GFM2: variants seen among roughly 807,000 people sequenced by gnomAD.
GFM2 encodes ribosome-releasing factor 2, mitochondrial.
Under a neutral mutation model 95.4 loss-of-function variants are expected in GFM2, and 72 were observed. The observed-to-expected ratio is 0.76, with a 90% CI of 0.62 to 0.92. GFM2 has a LOEUF of 0.92. GFM2 is among the 40% of genes least tolerant of loss of function. The pLI is 0.00. For missense variants in GFM2, 825 were observed against 924.1 expected (o/e 0.89, Z 1.39); for synonymous variants, 276 against 317.5 (o/e 0.87, Z 1.39).
intron 1 of GFM2, 80 bp from the exon 2 acceptor site, chr5:74,763,846 G>A (rs1294922325): frequency 3.9e-6 from 3 of 765,954 alleles, no homozygotes; most frequent in Non-Finnish European, 6.7e-6. Context: ...TTAGACATAT[G>A]TAATATGTAT....
chr5:74,758,703 T>G, intron 5 of GFM2, 146 bp downstream of exon 5: 1 of 601,730 alleles, frequency 1.7e-6, no homozygotes, highest in Non-Finnish European at 3.0e-6. Flanking sequence ...TGGTGGGTAT[T>G]GCAACTATCT....
intron 17 of GFM2, among the ~76,000 whole-genome samples, chr5:74,728,232 C>T (rs1010128599): frequency 1.3e-5 from 2 of 152,086 alleles, no homozygotes; most frequent in African/African-American, 4.8e-5. Context: ...AACTTAACTA[C>T]TATAGAATAC....
chr5:74,727,114 G>T (rs984707124), intron 17 of GFM2, among the ~76,000 whole-genome samples: 1 of 152,148 alleles, frequency 6.6e-6, no homozygotes, highest in African/African-American at 2.4e-5. Flanking sequence ...GCTACAGTCA[G>T]CTAAGATCTT....
chr5:74,749,138 G>C (rs979385698), intron 7 of GFM2, among the ~76,000 whole-genome samples: 1 of 151,394 alleles, frequency 6.6e-6, no homozygotes, highest in Non-Finnish European at 1.5e-5. Flanking sequence ...CTCAGCCTCT[G>C]GAGTAGCTGG....
chr5:74,764,782 T>G (rs1426925676), intron 1 of GFM2, among the ~76,000 whole-genome samples: 3 of 132,644 alleles, frequency 2.3e-5, no homozygotes, highest in South Asian at 2.5e-4. Context: ...TTTGTTGTTT[T>G]TTTTTTTTTT....
chr5:74,738,679 CACTTCCCATAACTGCAGAA>C, intron 12 of GFM2, 37 bp from the exon 13 acceptor site: 1 of 1,576,518 alleles, frequency 6.3e-7, no homozygotes. Flanking sequence ...CTATAAAATA[CACTTCCCATAACTGCAGAA>C]ACTTAACCTT....
At position 74,740,035 on chromosome 5, in the gene GFM2, C is replaced by T; in HGVS notation, c.1033G>A (p.Val345Ile). Residue 345 changes from valine to isoleucine, a missense_variant, in exon 12 of 21, where the codon GTT (valine) becomes ATT (isoleucine). Transcript: ENST00000296805. ...NKGIQPLLDA[V>I]TMYLPSPEER... is the part of the protein sequence containing the mutation. ...TCAGGTGAAGGTAAGTACATAGTAA[C>T]AGCATCTAACAAGGGCTGTATCCCT... 6.2e-7 allele frequency: 1 copy of T among 1,600,170 alleles called. No homozygotes were observed. Among genetic ancestry groups the T allele is most frequent in the Middle Eastern group, 1.7e-4 (1 of 6,020 alleles).
intron 2 of GFM2, among the ~76,000 whole-genome samples, 200 bp downstream of exon 2, chr5:74,763,474 TCTTTTA>T (rs1744387747): frequency 6.6e-6 from 1 of 152,200 alleles, no homozygotes; most frequent in Non-Finnish European, 1.5e-5. Context: ...CTACAGCTGT[TCTTTTA>T]CTTTTAAATT....
chr5:74,721,868 G>A (rs904396762), intron 20 of GFM2, 85 bp from the exon 21 acceptor site: 6 of 1,307,566 alleles, frequency 4.6e-6, no homozygotes, highest in South Asian at 1.4e-5. Flanking sequence ...GACTATTAGG[G>A]AAAAGTGATG....
At chr5:74,752,014 A>G (rs1168612634) in intron 5 of GFM2, among the ~76,000 whole-genome samples, 1 of 152,172 alleles carries the variant, frequency 6.6e-6, no homozygotes, top group Non-Finnish European at 1.5e-5. Flanking sequence ...TAAAGTACCT[A>G]GTCTAGTAGA....
At chr5:74,758,256 AAAC>A (rs1289987456) in intron 5 of GFM2, among the ~76,000 whole-genome samples, 7 of 152,206 alleles carry the variant, frequency 4.6e-5, no homozygotes, top group Non-Finnish European at 8.8e-5. Flanking sequence ...CTTATGGAAA[AAAC>A]AACTTCTGAT....
At position 74,730,262 on chromosome 5, in the gene GFM2, G is replaced by A; in HGVS notation, c.1724C>T (p.Thr575Ile). The A allele has an allele frequency of 1.3e-6, 2 of 1,598,776 alleles. No individual in the cohort carries two copies. Among genetic ancestry groups the A allele is most frequent in the East Asian group, 2.2e-5 (1 of 44,822 alleles). The part of the protein sequence containing the change: ...RETILNSVRA[T>I]DTLDRTLGDK... ...ATCCTAAATGTTTTACTTTTTACCTGTGGCACGAACTGAGTTTAGGATGGT... is the reference window on the plus strand; with the variant it reads ...ATCCTAAATGTTTTACTTTTTACCTATGGCACGAACTGAGTTTAGGATGGT... Residue 575 changes from threonine (T) to isoleucine (I), a missense_variant and splice_region_variant, in exon 17 of 21, where the codon ACA (threonine) becomes ATA (isoleucine). Thr to Ile is a moderately conservative substitution (Grantham distance 89). Coordinates refer to ENST00000296805, the MANE Select transcript of GFM2 (RefSeq NM_032380.5).
intron 6 of GFM2, 93 bp downstream of exon 6, chr5:74,751,271 GTTTT>G: frequency 7.9e-7 from 1 of 1,268,516 alleles, no homozygotes; most frequent in East Asian, 2.4e-5. Context: ...TGCAACACAT[GTTTT>G]TTTACCACAA....
chr5:74,736,867 A>G lies in GFM2; in HGVS notation c.1439T>C (p.Leu480Ser). Reference sequence around the variant, plus strand: ...AGGTTCTGGAATCTCCACTCCAGCCAATAAAAGTCTCTCTGCTTCATTGTT... The same window carrying G: ...AGGTTCTGGAATCTCCACTCCAGCCGATAAAAGTCTCTCTGCTTCATTGTT... ...RQNNEAERLL[L>S]AGVEIPEPVF... The change falls in exon 15 of 21, where the codon TTG (leucine) becomes TCG (serine). Residue 480 changes from leucine to serine, a missense_variant. Physicochemically the swap from Leu to Ser is moderately radical, Grantham distance 145 (BLOSUM62 -2). Transcript: ENST00000296805. 1.2e-6 allele frequency: 2 copies of G among 1,613,950 alleles called. No individual in the cohort carries two copies. Among genetic ancestry groups the G allele is most frequent in the Non-Finnish European group, 8.5e-7 (1 of 1,179,858 alleles).
intron 2 of GFM2, among the ~76,000 whole-genome samples, chr5:74,762,781 G>T (rs967494138): frequency 1.3e-5 from 2 of 152,200 alleles, no homozygotes; most frequent in African/African-American, 4.8e-5. Context: ...GATATGCTGG[G>T]CAAAGGAATG....
intron 1 of GFM2, 57 bp from the exon 2 acceptor site, chr5:74,763,823 A>C: frequency 1.0e-6 from 1 of 988,702 alleles, no homozygotes; most frequent in Non-Finnish European, 1.6e-6. Context: ...CATGTCAGCA[A>C]GGCATATGTA....
chr5:74,732,941 C>G (rs1742647162), intron 16 of GFM2, 81 bp downstream of exon 16: 1 of 630,478 alleles, frequency 1.6e-6, no homozygotes, highest in South Asian at 1.8e-5. Flanking sequence ...CACACACACA[C>G]ACACACACAC....
intron 16 of GFM2, among the ~76,000 whole-genome samples, chr5:74,732,103 T>G (rs1011695236): frequency 2.0e-5 from 3 of 150,906 alleles, no homozygotes; most frequent in Non-Finnish European, 3.0e-5. Context: ...CACAGGTGTA[T>G]GCCATCATGC....
At chr5:74,722,880 T>C (rs941109616) in intron 19 of GFM2, among the ~76,000 whole-genome samples, 1 of 152,040 alleles carries the variant, frequency 6.6e-6, no homozygotes, top group African/African-American at 2.4e-5. Context: ...CTGATGTCTA[T>C]AATTACAGTC....
Sources: gnomAD v4.1 joint callset for allele counts (sites outside exome capture counted in the v4.1 genomes callset) on GRCh38, gnomAD v4.1.1 for gene constraint, MANE v1.5 for transcripts, NCBI Gene and HGNC (gene_info 2026-07-23, HGNC 2026-07-21) for gene names.